Variants in TMEM18 observed in about 807,000 individuals in gnomAD.
TMEM18 encodes transmembrane protein 18.
Under a neutral mutation model 17.4 loss-of-function variants are expected in TMEM18, and 14 were observed. That is an observed-to-expected ratio of 0.80 (90% CI 0.53 to 1.25). The LOEUF (loss-of-function observed/expected upper bound fraction) is 1.25. Among genes scored for constraint, TMEM18 ranks in the 50% most tolerant of loss-of-function variants. The pLI, the probability that TMEM18 is intolerant of heterozygous loss-of-function variation, is 0.00. For missense variants in TMEM18, 187 were observed against 172.1 expected (o/e 1.09, Z -0.48); for synonymous variants, 86 against 66.1 (o/e 1.30, Z -1.46).
rs1678980417 is a variant in TMEM18, at chr2:675,589, G to A, written c.99C>T (p.Thr33=). 1.2e-6 allele frequency: 2 copies of A among 1,614,224 alleles called. No individual in the cohort carries two copies. The highest frequency in any genetic ancestry group is 2.2e-5 in the East Asian group (1 of 44,888). ...TGAGGAGCACGCAGAGCGCGTGGAA[G>A]GTGGCCAGCCCCATGAGCCAGGGCT... ...WTEPWLMGLA[T]FHALCVLLTC... The change falls in exon 2 of 5, where the codon ACC becomes ACT. Residue 33 remains threonine, a synonymous_variant. Transcript: ENST00000281017.
rs1172923244 is a variant in TMEM18 at position 664,688 on chromosome 2, T to C, written c.*4892A>G. On this transcript the variant is annotated 3_prime_UTR_variant, in exon 5 of 5. Coordinates refer to ENST00000281017, the MANE Select transcript of TMEM18 (RefSeq NM_152834.4). Reference sequence around the variant, plus strand: ...AATATTGGCATATGCTTTCTGAAAATTGATTTAGCAACATTTACCAACTGT... The same window carrying C: ...AATATTGGCATATGCTTTCTGAAAACTGATTTAGCAACATTTACCAACTGT... Among the ~76,000 whole-genome samples the C allele has an allele frequency of 6.6e-6, 1 of 152,206 alleles. No homozygotes were observed. Among genetic ancestry groups the C allele is most frequent in the Non-Finnish European group, 1.5e-5 (1 of 68,036 alleles).
At chr2:675,081 T>C (rs1019736971) in intron 2 of TMEM18, among the ~76,000 whole-genome samples, 5 of 152,390 alleles carry the variant, frequency 3.3e-5, no homozygotes, top group South Asian at 2.1e-4. Context: ...CTAACTTCTC[T>C]AAGTTCTGTA....
chr2:677,145 A>G (rs1273587641), intron 1 of TMEM18, 144 bp downstream of exon 1: 1 of 1,057,136 alleles, frequency 9.5e-7, no homozygotes, highest in Non-Finnish European at 1.4e-6. Flanking sequence ...AGGTCTCAGG[A>G]CCCTGCCCAG....
rs1484270687 is a variant in TMEM18, at chr2:664,886, T to C, written c.*4694A>G. On this transcript the variant is annotated 3_prime_UTR_variant, in exon 5 of 5. Transcript: ENST00000281017. ...TAACTGGTTACGTAAATTCAGCCTA[T>C]ACCCCTACAATGTGTTTACTATGCA... 3.3e-5 allele frequency among the ~76,000 whole-genome samples: 5 copies of C among 152,198 alleles called. No individual in the cohort carries two copies. The highest frequency in any genetic ancestry group is 3.8e-4 in the East Asian group (2 of 5,200).
At chr2:674,258 C>T (rs1209227213) in intron 2 of TMEM18, among the ~76,000 whole-genome samples, 2 of 152,158 alleles carry the variant, frequency 1.3e-5, no homozygotes, top group Non-Finnish European at 2.9e-5. Flanking sequence ...CTATTCAGAT[C>T]CAGGAGCTCA....
At position 665,430 on chromosome 2, in the gene TMEM18, G is replaced by A. The variant is rs1184468659; in HGVS notation, c.*4150C>T. On this transcript the variant is annotated 3_prime_UTR_variant, in exon 5 of 5. Coordinates refer to ENST00000281017, the MANE Select transcript of TMEM18 (RefSeq NM_152834.4). ...AGATAATCAACCCCACATACAACAG[G>A]ACCCAGAGATGCAGATGCTCCACTC... Among the ~76,000 whole-genome samples, 46 of 112,490 alleles carry A rather than the reference G, an allele frequency of 4.1e-4. No homozygotes were observed. Among genetic ancestry groups the A allele is most frequent in the East Asian group, 7.9e-4 (3 of 3,776 alleles). 73.8% of individuals were successfully genotyped at this position (112,490 alleles called of 152,430 possible).
At position 664,589 on chromosome 2, in the gene TMEM18, C is replaced by T. The variant is rs1388779616; in HGVS notation, c.*4991G>A. 6.6e-6 allele frequency among the ~76,000 whole-genome samples: 1 copy of T among 152,200 alleles called. No homozygotes were observed. Among genetic ancestry groups the T allele is most frequent in the African/African-American group, 2.4e-5 (1 of 41,448 alleles). ...TAAAACAGTGAGATAAAACTTTCAC[C>T]TATTACTCAGAAAAGTTTCTTTTTT... is the stretch of plus-strand genomic sequence containing the variant. On this transcript the variant is annotated 3_prime_UTR_variant, in exon 5 of 5. Transcript: ENST00000281017.
intron 1 of TMEM18, 200 bp from the exon 2 acceptor site, chr2:675,830 G>T: frequency 6.5e-7 from 1 of 1,527,216 alleles, no homozygotes; most frequent in South Asian, 1.2e-5. Context: ...CCAGGAGGAT[G>T]GAAACAGGAT....
chr2:673,334 C>T (rs774030544), intron 2 of TMEM18, among the ~76,000 whole-genome samples: 11 of 152,060 alleles, frequency 7.2e-5, no homozygotes, highest in Non-Finnish European at 1.2e-4. Flanking sequence ...AGGAGGGGAG[C>T]GAACAGCTTT....
rs1199417917 is a variant in TMEM18 at position 666,318 on chromosome 2, T to A, written c.*3262A>T. ...GGGAGCTCCTTCTCTGTCCTCAGGT[T>A]CCTTTCAGGGCCTGTGCCAGTCAGC... On this transcript the variant is annotated 3_prime_UTR_variant, in exon 5 of 5. Transcript: ENST00000281017. 6.6e-6 allele frequency among the ~76,000 whole-genome samples: 1 copy of A among 152,192 alleles called. No homozygotes were observed. The highest frequency in any genetic ancestry group is 1.5e-5 in the Non-Finnish European group (1 of 68,034).
chr2:676,652 C>A, intron 1 of TMEM18: 1 of 1,548,866 alleles, frequency 6.5e-7, no homozygotes, highest in Non-Finnish European at 8.7e-7. Context: ...CACCCCTTGG[C>A]GGCCACGTGG....
chr2:672,950 AT>A, intron 2 of TMEM18, 88 bp from the exon 3 acceptor site: 1 of 1,219,048 alleles, frequency 8.2e-7, no homozygotes, highest in Non-Finnish European at 1.1e-6. Context: ...AGAATACTGA[AT>A]AGAAATGTCA....
At chr2:672,422 C>G (rs1355134435) in intron 3 of TMEM18, among the ~76,000 whole-genome samples, 3 of 152,158 alleles carry the variant, frequency 2.0e-5, no homozygotes, top group African/African-American at 7.2e-5. Flanking sequence ...CCCAGAAGCC[C>G]CCTACTCAGG....
In TMEM18 at chr2:669,754, T is replaced by A. The variant is rs1450267562; in HGVS notation, c.327+3A>T. The A allele has an allele frequency of 1.9e-6, 3 of 1,613,914 alleles. No individual in the cohort carries two copies. In the African/African-American group the frequency reaches 4.0e-5, roughly 22 times the overall value. ...AAGACAACTGAAAGTGTCATCTACG[T>A]ACCACAATGATCATGGCATTCACCA... is the stretch of plus-strand genomic sequence containing the variant. On this transcript the variant is annotated splice_donor_region_variant and intron_variant, in intron 4 of 4. Coordinates refer to ENST00000281017, the MANE Select transcript of TMEM18 (RefSeq NM_152834.4).
chr2:670,988 T>C (rs1330143599), intron 3 of TMEM18: 4 of 152,422 alleles, frequency 2.6e-5, no homozygotes, highest in Middle Eastern at 6.8e-3. Flanking sequence ...ACTGGGCTCG[T>C]GGCTGATCTT....
rs1678779296 is a variant in TMEM18, at chr2:669,477, A to C, written c.*103T>G. The C allele has an allele frequency of 8.2e-7, 1 of 1,213,254 alleles. No homozygotes were observed. The highest frequency in any genetic ancestry group is 1.5e-5 in the African/African-American group (1 of 65,754). 75.2% of individuals were successfully genotyped at this position (1,213,254 alleles called of 1,614,324 possible). On this transcript the variant is annotated 3_prime_UTR_variant, in exon 5 of 5. Transcript: ENST00000281017. ...ATTTAAATAAAACAACGGTTTTTCA[A>C]ACCATGAGTCAGCTGGAAGGATGCC...
chr2:676,504 G>T, intron 1 of TMEM18: 1 of 1,521,624 alleles, frequency 6.6e-7, no homozygotes, highest in Non-Finnish European at 8.9e-7. Context: ...GCTGGGGACC[G>T]CAGCGGCTTC....
chr2:672,831 A>G lies in TMEM18; in HGVS notation c.210T>C (p.Asn70=). ...ACCTCCAGTTCATCGCAGCCGCCTC[A>G]TTGATGTATTCAGCACAGTAGACTA... ...VILVYCAEYI[N]EAAAMNWRLF... The change falls in exon 3 of 5, where the codon AAT becomes AAC. Residue 70 remains asparagine, a synonymous_variant. Transcript: ENST00000281017. 11 of 1,485,870 alleles carry G rather than the reference A, an allele frequency of 7.4e-6. No individual in the cohort carries two copies. The highest frequency in any genetic ancestry group is 8.9e-6 in the Non-Finnish European group (10 of 1,124,550). The allele number at this position is 1,485,870 out of a possible 1,614,324, so 92.0% of individuals were successfully genotyped here. A position where few individuals can be genotyped will look rare whatever the true frequency, so the allele number is the denominator to read the frequency against.
At chr2:675,849 C>A in intron 1 of TMEM18, 1 of 1,515,030 alleles carries the variant, frequency 6.6e-7, no homozygotes, top group Non-Finnish European at 8.8e-7. Context: ...ATTCTCCCCT[C>A]AGTGCAACTA....
Sources: allele counts gnomAD v4.1 joint callset (sites outside exome capture counted in the v4.1 genomes callset), GRCh38; gene constraint gnomAD v4.1.1; transcripts MANE v1.5; gene names NCBI Gene and HGNC (gene_info 2026-07-23, HGNC 2026-07-21).